DNAJC24: variants seen among roughly 807,000 people sequenced by gnomAD.
DNAJC24 encodes DnaJ heat shock protein family (Hsp40) member C24.
DNAJC24 carries 17 observed loss-of-function variants against 18.0 expected under a neutral mutation model. That is an observed-to-expected ratio of 0.94 (90% CI 0.65 to 1.42). The LOEUF is 1.42. Ranked by LOEUF, DNAJC24 falls within the 40% of genes most tolerant of loss-of-function variation. The pLI is 0.00. For synonymous variants in DNAJC24, 55 were observed against 57.7 expected (o/e 0.95, Z 0.21); for missense variants, 158 against 175.6 (o/e 0.90, Z 0.57).
chr11:31,370,431 G>A (rs1305247064), intron 1 of DNAJC24, among the ~76,000 whole-genome samples: 1 of 151,920 alleles, frequency 6.6e-6, no homozygotes, highest in African/African-American at 2.4e-5. Context: ...CCTTCTTAGA[G>A]GTTCATACAC....
At chr11:31,398,086 C>G (rs1384541867) in intron 2 of DNAJC24, among the ~76,000 whole-genome samples, 1 of 152,204 alleles carries the variant, frequency 6.6e-6, no homozygotes, top group Non-Finnish European at 1.5e-5. Flanking sequence ...TAGGCGTGAG[C>G]CACCACGCCT....
chr11:31,414,833 C>T lies in DNAJC24; in HGVS notation c.134C>T (p.Thr45Ile). 6.2e-7 allele frequency: 1 copy of T among 1,613,664 alleles called. No individual in the cohort carries two copies. Among genetic ancestry groups the T allele is most frequent in the Non-Finnish European group, 8.5e-7 (1 of 1,179,768 alleles). ...ILMYHPDKQS[T>I]DVPAGTVEEC... ...CAGTATCATCCAGATAAACAAAGTACAGATGTACCAGCAGGAACAGTGGAG... is the reference window on the plus strand; with the variant it reads ...CAGTATCATCCAGATAAACAAAGTATAGATGTACCAGCAGGAACAGTGGAG... Residue 45 changes from threonine (T) to isoleucine (I), a missense_variant, in exon 3 of 5, where the codon ACA becomes ATA. Coordinates refer to ENST00000465995, the MANE Select transcript of DNAJC24 (RefSeq NM_181706.5).
intron 3 of DNAJC24, among the ~76,000 whole-genome samples, chr11:31,423,760 G>A (rs1952833636): frequency 6.6e-6 from 1 of 152,138 alleles, no homozygotes; most frequent in Admixed American, 6.6e-5. Context: ...GAATAATCAG[G>A]TCAACATACA....
At chr11:31,428,905 T>C (rs1346577082) in intron 4 of DNAJC24, among the ~76,000 whole-genome samples, 2 of 152,152 alleles carry the variant, frequency 1.3e-5, no homozygotes, top group Non-Finnish European at 2.9e-5. Context: ...CAGTAGCCCA[T>C]GGTGTCCTCT....
chr11:31,394,635 T>G (rs975735781), intron 2 of DNAJC24, among the ~76,000 whole-genome samples: 6 of 151,624 alleles, frequency 4.0e-5, no homozygotes, highest in Non-Finnish European at 8.8e-5. Context: ...AAGAAAAATA[T>G]AAAATAAAAG....
intron 2 of DNAJC24, chr11:31,408,058 T>TA (rs1345772772): frequency 1.8e-5 from 8 of 455,238 alleles, no homozygotes; most frequent in African/African-American, 4.0e-5. Context: ...GTATCAAATA[T>TA]AAAAAAAATT....
intron 2 of DNAJC24, among the ~76,000 whole-genome samples, chr11:31,392,412 A>C (rs919450482): frequency 2.6e-5 from 4 of 152,158 alleles, no homozygotes; most frequent in Non-Finnish European, 5.9e-5. Flanking sequence ...ATATATACCA[A>C]GTCATAAGGC....
At chr11:31,425,432 C>T (rs1952851994) in intron 3 of DNAJC24, among the ~76,000 whole-genome samples, 1 of 152,140 alleles carries the variant, frequency 6.6e-6, no homozygotes, top group South Asian at 2.1e-4. Flanking sequence ...ATACCATAGA[C>T]TAGGTGGCAT....
In DNAJC24 at chr11:31,412,687, T is replaced by C. The variant is rs557583472; in HGVS notation, c.112-2124T>C. On this transcript the variant is annotated intron_variant, in intron 2 of 4. Coordinates refer to ENST00000465995, the MANE Select transcript of DNAJC24 (RefSeq NM_181706.5). The stretch of plus-strand genomic sequence containing the variant: ...AGTTTCCTTTTCTCCAGTGCTTATA[T>C]TAGTTTAAATATCTAAATGTTGATA... 3.3e-5 allele frequency among the ~76,000 whole-genome samples: 5 copies of C among 152,298 alleles called. No homozygotes were observed. The East Asian group carries it at 9.7e-4, about 29-fold the overall frequency.
chr11:31,378,198 GA>G (rs67869186), intron 2 of DNAJC24, among the ~76,000 whole-genome samples: 14,684 of 151,528 alleles, frequency 0.097, 2,000 homozygotes, highest in African/African-American at 0.3. Context: ...GAAATTTTGT[GA>G]AAAAAAATCT....
intron 1 of DNAJC24, 90 bp downstream of exon 1, chr11:31,370,002 C>G (rs1236101045): frequency 6.6e-6 from 1 of 152,460 alleles, no homozygotes; most frequent in East Asian, 1.9e-4. Flanking sequence ...ATTCCCAAGT[C>G]CCGAGCTTGA....
chr11:31,399,290 T>C (rs1952574948), intron 2 of DNAJC24, among the ~76,000 whole-genome samples: 1 of 152,204 alleles, frequency 6.6e-6, no homozygotes, highest in African/African-American at 2.4e-5. Context: ...AGGTATATTA[T>C]AGAGGTTTTA....
chr11:31,397,538 A>G (rs1439728660), intron 2 of DNAJC24, among the ~76,000 whole-genome samples: 2 of 151,608 alleles, frequency 1.3e-5, no homozygotes. Context: ...AAAGGACACA[A>G]TTGCAGTACT....
intron 2 of DNAJC24, among the ~76,000 whole-genome samples, chr11:31,389,385 T>G (rs2133476607): frequency 6.6e-6 from 1 of 152,114 alleles, no homozygotes; most frequent in East Asian, 1.9e-4. Flanking sequence ...CAAAATAGAT[T>G]TCAAGAAAAA....
chr11:31,379,851 A>G (rs632445), intron 2 of DNAJC24, among the ~76,000 whole-genome samples: 59,036 of 151,606 alleles, frequency 0.39, 11,927 homozygotes, highest in African/African-American at 0.47. Context: ...TCCACTTCCC[A>G]GGTTCAAGCG....
At chr11:31,394,744 GA>G (rs1297742079) in intron 2 of DNAJC24, among the ~76,000 whole-genome samples, 4 of 150,596 alleles carry the variant, frequency 2.7e-5, no homozygotes, top group East Asian at 3.9e-4. Flanking sequence ...TAAATAAGGA[GA>G]AAAAAATAAA....
At chr11:31,407,984 A>C (rs551878296) in intron 2 of DNAJC24, 117 of 404,432 alleles carry the variant, frequency 2.9e-4, no homozygotes, top group Non-Finnish European at 5.3e-4. Context: ...CATCTGTGAC[A>C]TAAGATGGTA....
At chr11:31,396,443 G>T in intron 2 of DNAJC24, 1 of 335,436 alleles carries the variant, frequency 3.0e-6, no homozygotes, top group South Asian at 2.6e-5. Context: ...ATTCTTAGAG[G>T]AGTTCATAAC....
intron 3 of DNAJC24, chr11:31,422,073 C>T (rs762084885): frequency 2.0e-5 from 7 of 348,086 alleles, no homozygotes; most frequent in Non-Finnish European, 3.4e-5. Flanking sequence ...TCAGACAAAT[C>T]CAATAGAACA....
Sources: allele counts gnomAD v4.1 joint callset (sites outside exome capture counted in the v4.1 genomes callset), GRCh38; gene constraint gnomAD v4.1.1; transcripts MANE v1.5; gene names NCBI Gene and HGNC (gene_info 2026-07-23, HGNC 2026-07-21).